KCNMB2: variants seen among roughly 807,000 people sequenced by gnomAD.
KCNMB2 encodes calcium-activated potassium channel subunit beta-2.
In KCNMB2, 9 loss-of-function variants were observed where a neutral mutation model predicts 24.5. The observed-to-expected ratio is 0.37, with a 90% CI of 0.22 to 0.64. The LOEUF (loss-of-function observed/expected upper bound fraction) is 0.64, where lower values mean the gene tolerates loss of function less well. Among genes scored for constraint, KCNMB2 ranks in the 30% least tolerant of loss-of-function variants. KCNMB2 has a pLI of 0.63. For synonymous variants in KCNMB2, 109 were observed against 104.4 expected (o/e 1.04, Z -0.27); for missense variants, 226 against 284.3 (o/e 0.79, Z 1.47).
intron 1 of KCNMB2, among the ~76,000 whole-genome samples, chr3:178,625,023 G>T (rs1402544683): frequency 6.6e-6 from 1 of 152,142 alleles, no homozygotes; most frequent in Non-Finnish European, 1.5e-5. Context: ...TGAACAGCAG[G>T]GCAAGGAGGG....
At chr3:178,616,774 A>G (rs73042329) in intron 1 of KCNMB2, among the ~76,000 whole-genome samples, 129 of 152,288 alleles carry the variant, frequency 8.5e-4, no homozygotes, top group African/African-American at 2.9e-3. Context: ...TTGGTTTTAT[A>G]ATCCCATTTC....
intron 1 of KCNMB2, among the ~76,000 whole-genome samples, chr3:178,592,616 A>G (rs1240231807): frequency 6.6e-6 from 1 of 152,140 alleles, no homozygotes; most frequent in Non-Finnish European, 1.5e-5. Flanking sequence ...GTTGATAGAG[A>G]AGTAGTATCT....
intron 1 of KCNMB2, among the ~76,000 whole-genome samples, chr3:178,656,123 T>C (rs945011828): frequency 7.2e-5 from 11 of 152,224 alleles, no homozygotes; most frequent in African/African-American, 2.4e-4. Flanking sequence ...CCTATCAATA[T>C]GACCTAGGAA....
intron 1 of KCNMB2, among the ~76,000 whole-genome samples, chr3:178,567,271 T>C (rs1406477620): frequency 6.6e-6 from 1 of 152,118 alleles, no homozygotes; most frequent in Admixed American, 6.6e-5. Context: ...CACTTAAGCA[T>C]GGTATCATTT....
At chr3:178,639,049 G>A (rs1271661021) in intron 1 of KCNMB2, among the ~76,000 whole-genome samples, 1 of 152,054 alleles carries the variant, frequency 6.6e-6, no homozygotes, top group East Asian at 1.9e-4. Flanking sequence ...ATCGGTTTTA[G>A]CTGTACTAGA....
At chr3:178,537,838 T>C (rs1715461108) in intron 1 of KCNMB2, among the ~76,000 whole-genome samples, 1 of 152,202 alleles carries the variant, frequency 6.6e-6, no homozygotes, top group African/African-American at 2.4e-5. Flanking sequence ...TGTTGCTTTA[T>C]ATTCTGAAAA....
chr3:178,656,276 G>A (rs775410396), intron 1 of KCNMB2, among the ~76,000 whole-genome samples: 12 of 152,134 alleles, frequency 7.9e-5, no homozygotes, highest in Non-Finnish European at 1.8e-4. Context: ...GTCCCAAAAC[G>A]ATTCTCCAGG....
chr3:178,807,057 G>A (rs1048366514), intron 1 of KCNMB2, among the ~76,000 whole-genome samples: 1 of 152,122 alleles, frequency 6.6e-6, no homozygotes, highest in African/African-American at 2.4e-5. Context: ...GATACTTTTG[G>A]GAAAATGTGA....
intron 1 of KCNMB2, among the ~76,000 whole-genome samples, chr3:178,722,261 T>A (rs1722831833): frequency 6.6e-6 from 1 of 152,202 alleles, no homozygotes; most frequent in Non-Finnish European, 1.5e-5. Flanking sequence ...TATATACATA[T>A]ATAATTGTTC....
chr3:178,612,222 C>A (rs138732716), intron 1 of KCNMB2, among the ~76,000 whole-genome samples: 1,622 of 152,212 alleles, frequency 0.011, 13 homozygotes, highest in Admixed American at 0.025. Context: ...ATTGTGAGTT[C>A]TGCAGATGTT....
At chr3:178,659,630 T>TCTGCA (rs1720456896) in intron 1 of KCNMB2, among the ~76,000 whole-genome samples, 1 of 152,188 alleles carries the variant, frequency 6.6e-6, no homozygotes, top group Admixed American at 6.6e-5. Context: ...TTGGTCAATT[T>TCTGCA]CTGCACTGTA....
At chr3:178,567,102 T>C (rs1465184938) in intron 1 of KCNMB2, among the ~76,000 whole-genome samples, 1 of 152,224 alleles carries the variant, frequency 6.6e-6, no homozygotes, top group African/African-American at 2.4e-5. Flanking sequence ...ACTTTGCATA[T>C]CACCATTCTA....
At chr3:178,689,819 G>T (rs2034662848) in intron 1 of KCNMB2, among the ~76,000 whole-genome samples, 1 of 152,138 alleles carries the variant, frequency 6.6e-6, no homozygotes, top group Admixed American at 6.5e-5. Flanking sequence ...TCACTCTAGT[G>T]ACATGTTCAT....
chr3:178,741,669 C>T (rs931047207), intron 1 of KCNMB2, among the ~76,000 whole-genome samples: 1 of 152,220 alleles, frequency 6.6e-6, no homozygotes, highest in Admixed American at 6.5e-5. Flanking sequence ...CAGGCGTCCA[C>T]AACCTTCCTT....
At chr3:178,589,262 G>A (rs559568177) in intron 1 of KCNMB2, among the ~76,000 whole-genome samples, 2 of 152,254 alleles carry the variant, frequency 1.3e-5, no homozygotes, top group East Asian at 1.9e-4. Context: ...GAAACACTAG[G>A]TGCATTGTAA....
intron 1 of KCNMB2, among the ~76,000 whole-genome samples, chr3:178,634,795 A>C (rs150095943): frequency 1.3e-5 from 2 of 152,260 alleles, no homozygotes; most frequent in Admixed American, 1.3e-4. Flanking sequence ...ACCACGATTA[A>C]GTTTATGAGT....
At chr3:178,757,405 C>A (rs1430458878) in intron 1 of KCNMB2, among the ~76,000 whole-genome samples, 3 of 30,092 alleles carry the variant, frequency 1.0e-4, no homozygotes, top group Non-Finnish European at 1.9e-4. Context: ...TATATATATC[C>A]AAGAGGATAT....
chr3:178,617,522 C>T (rs961864369), intron 1 of KCNMB2, among the ~76,000 whole-genome samples: 1 of 150,684 alleles, frequency 6.6e-6, no homozygotes, highest in Non-Finnish European at 1.5e-5. Flanking sequence ...GAGAAGACTC[C>T]ATCTCAAAAA....
Position 178,589,991 on chromosome 3 carries a change from C to T in KCNMB2, c.-68+53280C>T, listed in dbSNP as rs188926221. 4.6e-5 allele frequency among the ~76,000 whole-genome samples: 7 copies of T among 152,290 alleles called. No individual in the cohort carries two copies. In the East Asian group the frequency reaches 9.6e-4, roughly 21 times the overall value. On this transcript the variant is annotated intron_variant, in intron 1 of 4. Transcript: ENST00000452583. ...CTGGGAATTTTCTTTTAACATCCTA[C>T]TGTGTAAGACGAAATCAAGTCAGAT...
Sources: allele counts gnomAD v4.1 joint callset (sites outside exome capture counted in the v4.1 genomes callset), GRCh38; gene constraint gnomAD v4.1.1; transcripts MANE v1.5; gene names NCBI Gene and HGNC (gene_info 2026-07-23, HGNC 2026-07-21).